TPST1: variants seen among roughly 807,000 people sequenced by gnomAD.
TPST1 encodes the protein tyrosylprotein sulfotransferase 1.
TPST1 carries 20 observed loss-of-function variants against 34.8 expected under a neutral mutation model. The ratio of observed to expected loss-of-function variants is 0.57; its 90% confidence interval spans 0.40 to 0.84. TPST1 has a LOEUF of 0.84. Ranked by LOEUF, TPST1 falls within the 40% of genes least tolerant of loss-of-function variation. The pLI, the probability that TPST1 is intolerant of heterozygous loss-of-function variation, is 0.00. For synonymous variants in TPST1, 152 were observed against 159.4 expected, an observed-to-expected ratio of 0.95 and a Z score of 0.35; for missense variants, 353 against 455.5, an observed-to-expected ratio of 0.78 and a Z score of 2.05.
chr7:66,328,825 T>G (rs1410128129), intron 3 of TPST1, among the ~76,000 whole-genome samples: 3 of 142,412 alleles, frequency 2.1e-5, no homozygotes, highest in Non-Finnish European at 4.6e-5. Flanking sequence ...GATCCCAGCC[T>G]CTCTCTCTCT....
At chr7:66,331,627 G>A (rs967446693) in intron 3 of TPST1, among the ~76,000 whole-genome samples, 1 of 152,204 alleles carries the variant, frequency 6.6e-6, no homozygotes, top group African/African-American at 2.4e-5. Flanking sequence ...ATTAGCAATT[G>A]TGTGTTATAA....
chr7:66,230,727 G>T (rs963388979), intron 1 of TPST1, among the ~76,000 whole-genome samples: 1 of 152,180 alleles, frequency 6.6e-6, no homozygotes, highest in African/African-American at 2.4e-5. Context: ...CCACAGTGTG[G>T]AAGGGGACCC....
At chr7:66,279,908 A>T (rs1281694161) in intron 2 of TPST1, among the ~76,000 whole-genome samples, 2 of 152,226 alleles carry the variant, frequency 1.3e-5, no homozygotes, top group Non-Finnish European at 2.9e-5. Context: ...CTGACAAGAG[A>T]TCAATCAAAA....
At position 66,205,866 on chromosome 7, in the gene TPST1, C is replaced by T. The variant is rs1046578437; in HGVS notation, c.-102+344C>T. 6.6e-6 allele frequency: 1 copy of T among 152,502 alleles called. No individual in the cohort carries two copies. The highest frequency in any genetic ancestry group is 2.4e-5 in the African/African-American group (1 of 41,448). The allele number at this position is 152,502 out of a possible 1,614,324, so 9.4% of individuals were successfully genotyped here. A position where few individuals can be genotyped will look rare whatever the true frequency, so the allele number is the denominator to read the frequency against. ...GTCTCGCCGGGATCGGACATTTGCC[C>T]CCACGTCTACCCCGGCTGCGCTTCT... On this transcript the variant is annotated intron_variant, in intron 1 of 5. Transcript: ENST00000304842. The surrounding 1 kb of genome is among the most constrained non-coding windows in gnomAD (Gnocchi z 5.0).
chr7:66,338,006 T>C (rs1297320951), intron 3 of TPST1, among the ~76,000 whole-genome samples: 5 of 152,148 alleles, frequency 3.3e-5, no homozygotes. Context: ...AGTAATAACT[T>C]TGAATATAAA....
At chr7:66,245,209 G>C (rs1040318835) in intron 2 of TPST1, among the ~76,000 whole-genome samples, 1 of 152,204 alleles carries the variant, frequency 6.6e-6, no homozygotes, top group Admixed American at 6.5e-5. Flanking sequence ...ATGAGGCAGT[G>C]TTTATTTAGC....
chr7:66,234,426 C>CACACACACACACACACACAG (rs1554342872), intron 1 of TPST1, among the ~76,000 whole-genome samples: 6 of 150,946 alleles, frequency 4.0e-5, no homozygotes. Context: ...CACACACACA[C>CACACACACACACACACACAG]ACACAGACAC....
At chr7:66,229,145 C>T (rs1234865428) in intron 1 of TPST1, among the ~76,000 whole-genome samples, 2 of 150,054 alleles carry the variant, frequency 1.3e-5, no homozygotes, top group East Asian at 3.9e-4. Flanking sequence ...CAGTCTCGCT[C>T]TGTCACCCAG....
At chr7:66,354,435 G>A (rs527536736) in intron 4 of TPST1, among the ~76,000 whole-genome samples, 17 of 139,852 alleles carry the variant, frequency 1.2e-4, no homozygotes, top group Admixed American at 3.2e-4. Context: ...GTGACACCCC[G>A]TCTCTACTAA....
chr7:66,206,321 C>G (rs779641491), intron 1 of TPST1, among the ~76,000 whole-genome samples: 2 of 152,060 alleles, frequency 1.3e-5, no homozygotes, highest in Non-Finnish European at 2.9e-5. Context: ...CATGTAAAGT[C>G]CCTTGCCCAG....
chr7:66,224,901 C>CTTTTCTTTTTTTTTTTT (rs1789616977), intron 1 of TPST1, among the ~76,000 whole-genome samples: 1 of 42,410 alleles, frequency 2.4e-5, no homozygotes, highest in Non-Finnish European at 3.9e-5. Flanking sequence ...TTCTGGTATT[C>CTTTTCTTTTTTTTTTTT]TTTTTTTTTT....
chr7:66,256,943 G>A (rs1348923117), intron 2 of TPST1, among the ~76,000 whole-genome samples: 1 of 151,956 alleles, frequency 6.6e-6, no homozygotes, highest in Non-Finnish European at 1.5e-5. Context: ...GAGGCTTATG[G>A]GTGAAGTTTC....
At chr7:66,281,372 T>C (rs1485291690) in intron 2 of TPST1, among the ~76,000 whole-genome samples, 1 of 152,222 alleles carries the variant, frequency 6.6e-6, no homozygotes, top group Admixed American at 6.5e-5. Context: ...TCCCTCTTCC[T>C]GAATTTTTGG....
intron 3 of TPST1, among the ~76,000 whole-genome samples, chr7:66,325,547 G>A (rs1791847297): frequency 6.6e-6 from 1 of 151,854 alleles, no homozygotes; most frequent in Non-Finnish European, 1.5e-5. Context: ...TCGAACTCCT[G>A]GCCTCAAGTG....
At chr7:66,268,851 G>C (rs980125359) in intron 2 of TPST1, among the ~76,000 whole-genome samples, 2 of 152,234 alleles carry the variant, frequency 1.3e-5, no homozygotes, top group East Asian at 3.9e-4. Context: ...ACCACGCCTA[G>C]CTAATTTTTG....
At chr7:66,315,510 G>A (rs549261214) in intron 3 of TPST1, among the ~76,000 whole-genome samples, 1 of 152,344 alleles carries the variant, frequency 6.6e-6, no homozygotes, top group African/African-American at 2.4e-5. Flanking sequence ...GCAATCTGGA[G>A]AGCTTGACCT....
chr7:66,286,771 T>A, intron 3 of TPST1, 62 bp downstream of exon 3: 2 of 1,282,744 alleles, frequency 1.6e-6, no homozygotes, highest in Non-Finnish European at 2.0e-6. Context: ...TCTGAATACG[T>A]TTTTTTCTTA....
At chr7:66,295,159 G>A (rs1791167759) in intron 3 of TPST1, among the ~76,000 whole-genome samples, 1 of 152,136 alleles carries the variant, frequency 6.6e-6, no homozygotes, top group East Asian at 1.9e-4. Flanking sequence ...CCAGGGTAAA[G>A]TATCTGAGAT....
chr7:66,238,011 C>T (rs903430667), intron 1 of TPST1, among the ~76,000 whole-genome samples: 26 of 152,142 alleles, frequency 1.7e-4, no homozygotes, highest in African/African-American at 6.0e-4. Context: ...AGCTTATGTA[C>T]CTTCTAACCT....
Sources: gnomAD v4.1 joint callset for allele counts (sites outside exome capture counted in the v4.1 genomes callset) on GRCh38, gnomAD v4.1.1 for gene constraint, Gnocchi (gnomAD v3.1) non-coding constraint, MANE v1.5 for transcripts, NCBI Gene and HGNC (gene_info 2026-07-23, HGNC 2026-07-21) for gene names.